Variants in SNX4 observed in about 807,000 individuals in gnomAD.
SNX4 encodes sorting nexin 4.
SNX4 carries 49 observed loss-of-function variants against 70.8 expected under a neutral mutation model. That is an observed-to-expected ratio of 0.69 (90% CI 0.55 to 0.88). The LOEUF (loss-of-function observed/expected upper bound fraction) is 0.88. SNX4 is among the 40% of genes least tolerant of loss of function. The probability of loss-of-function intolerance (pLI) is 0.00; values close to 1 mark genes in which losing one functional copy is unlikely to be tolerated. For synonymous variants in SNX4, 206 were observed against 183.8 expected, an observed-to-expected ratio of 1.12 and a Z score of -0.98; for missense variants, 528 against 544.8, an observed-to-expected ratio of 0.97 and a Z score of 0.31.
chr3:125,514,388 A>G (rs1580013329), intron 1 of SNX4, among the ~76,000 whole-genome samples: 1 of 129,342 alleles, frequency 7.7e-6, no homozygotes, highest in South Asian at 2.5e-4. Flanking sequence ...TGTGACCAAC[A>G]CTTTTTTTTT....
At chr3:125,491,195 T>C (rs1182232658) in intron 5 of SNX4, among the ~76,000 whole-genome samples, 1 of 152,172 alleles carries the variant, frequency 6.6e-6, no homozygotes. Context: ...TTCTGGATCC[T>C]TCTTACATCT....
Position 125,469,443 on chromosome 3 carries a change from G to A in SNX4, c.854+11C>T, listed in dbSNP as rs371695396. ...CACCTCAGGCTTCACAAAAGTTCTCGAGGTACTTACACATCCATATGATGA... is the reference window on the plus strand; with the variant it reads ...CACCTCAGGCTTCACAAAAGTTCTCAAGGTACTTACACATCCATATGATGA... On this transcript the variant is annotated intron_variant, in intron 9 of 13. Transcript: ENST00000251775. 4.9e-5 allele frequency: 79 copies of A among 1,603,918 alleles called. No individual in the cohort carries two copies. The Middle Eastern group carries it at 5.0e-4, about 10-fold the overall frequency.
chr3:125,495,928 A>T (rs933033026), intron 5 of SNX4, among the ~76,000 whole-genome samples: 4 of 152,208 alleles, frequency 2.6e-5, no homozygotes, highest in African/African-American at 9.6e-5. Context: ...CCCTAAACTC[A>T]AATTCTACCA....
intron 11 of SNX4, among the ~76,000 whole-genome samples, chr3:125,455,076 A>C (rs1933675865): frequency 6.6e-6 from 1 of 152,066 alleles, no homozygotes; most frequent in Admixed American, 6.6e-5. Flanking sequence ...CCACAGGTGC[A>C]TGCCACCACA....
At chr3:125,457,410 T>G in intron 10 of SNX4, 45 bp from the exon 11 acceptor site, 1 of 1,429,420 alleles carries the variant, frequency 7.0e-7, no homozygotes, top group Middle Eastern at 1.7e-4. Flanking sequence ...TCCTTTAACA[T>G]GTCAAACATT....
At chr3:125,471,173 T>C (rs1407306043) in intron 8 of SNX4, among the ~76,000 whole-genome samples, 1 of 151,686 alleles carries the variant, frequency 6.6e-6, no homozygotes, top group African/African-American at 2.4e-5. Flanking sequence ...GGAGAAACCC[T>C]GTCTCTACTA....
At chr3:125,470,468 T>A (rs754908014) in intron 8 of SNX4, among the ~76,000 whole-genome samples, 1 of 150,834 alleles carries the variant, frequency 6.6e-6, no homozygotes, top group Non-Finnish European at 1.5e-5. Context: ...ATGAAAACTA[T>A]GTATCTTTTC....
rs1935305338 is a variant in SNX4, at chr3:125,517,362, T to C, written c.141+2670A>G. The stretch of plus-strand genomic sequence containing the variant: ...AATTAAATGAAAAGTAGAGCCCCAC[T>C]GTGCACAGCACACGCAAAACTAACT... On this transcript the variant is annotated intron_variant, in intron 1 of 13. Transcript: ENST00000251775. 2.0e-5 allele frequency among the ~76,000 whole-genome samples: 3 copies of C among 152,200 alleles called. No homozygotes were observed. In the South Asian group the frequency reaches 6.2e-4, roughly 31 times the overall value.
At chr3:125,497,542 C>T (rs1413678958) in intron 4 of SNX4, among the ~76,000 whole-genome samples, 154 bp from the exon 5 acceptor site, 2 of 152,116 alleles carry the variant, frequency 1.3e-5, no homozygotes, top group South Asian at 4.1e-4. Context: ...AACATTCAAT[C>T]CAACTTCTAA....
chr3:125,458,814 C>CAAAAATAAAAAAAAAAAAAAAAAAAAAA (rs1933797517), intron 10 of SNX4, among the ~76,000 whole-genome samples: 1 of 64,496 alleles, frequency 1.6e-5, no homozygotes, highest in Non-Finnish European at 2.6e-5. Context: ...GACTCCGTCT[C>CAAAAATAAAAAAAAAAAAAAAAAAAAAA]AAAAAAAAAA....
intron 6 of SNX4, among the ~76,000 whole-genome samples, chr3:125,483,659 T>G (rs540729129): frequency 8.5e-4 from 130 of 152,116 alleles, no homozygotes; most frequent in African/African-American, 2.9e-3. Context: ...ACACAAATCA[T>G]CCCCAGGTGA....
intron 6 of SNX4, among the ~76,000 whole-genome samples, chr3:125,482,453 A>G (rs1934433883): frequency 6.6e-6 from 1 of 152,056 alleles, no homozygotes; most frequent in South Asian, 2.1e-4. Context: ...CATTGCCCCA[A>G]TCCACTCACT....
chr3:125,495,507 AATT>A (rs970781034), intron 5 of SNX4, among the ~76,000 whole-genome samples: 2 of 147,666 alleles, frequency 1.4e-5, no homozygotes, highest in Non-Finnish European at 2.9e-5. Context: ...TGATGTTTTG[AATT>A]ATTAATTCTG....
At chr3:125,453,662 T>A (rs1176458646) in intron 12 of SNX4, 148 bp downstream of exon 12, 1 of 705,576 alleles carries the variant, frequency 1.4e-6, no homozygotes, top group East Asian at 3.2e-5. Flanking sequence ...TAACTCAAAT[T>A]TCTTAGGAAT....
At chr3:125,497,809 C>T in intron 4 of SNX4, 25 bp downstream of exon 4, 1 of 1,493,122 alleles carries the variant, frequency 6.7e-7, no homozygotes, top group Non-Finnish European at 9.0e-7. Context: ...GAATATTTTA[C>T]TAAGACTAAA....
chr3:125,506,045 G>C (rs574235739), intron 1 of SNX4, among the ~76,000 whole-genome samples: 9 of 152,134 alleles, frequency 5.9e-5, no homozygotes, highest in Non-Finnish European at 1.3e-4. Context: ...AAGACTTTAA[G>C]TTTACACCTC....
At chr3:125,463,040 T>A (rs902335063) in intron 9 of SNX4, among the ~76,000 whole-genome samples, 13 of 152,250 alleles carry the variant, frequency 8.5e-5, no homozygotes, top group Non-Finnish European at 1.9e-4. Flanking sequence ...ATACAACAGG[T>A]ATCCTTCTTT....
At chr3:125,504,561 C>A in intron 2 of SNX4, 62 bp downstream of exon 2, 2 of 1,486,290 alleles carry the variant, frequency 1.3e-6, no homozygotes, top group Admixed American at 1.9e-5. Flanking sequence ...GCAGAGTCTG[C>A]ATCAATAGCT....
intron 8 of SNX4, 42 bp from the exon 9 acceptor site, chr3:125,469,561 G>A (rs1438049197): frequency 2.3e-6 from 3 of 1,309,078 alleles, no homozygotes; most frequent in Non-Finnish European, 3.3e-6. Flanking sequence ...ATGCATTAGA[G>A]ATATGGAATA....
Sources: gnomAD v4.1 joint callset for allele counts (sites outside exome capture counted in the v4.1 genomes callset) on GRCh38, gnomAD v4.1.1 for gene constraint, MANE v1.5 for transcripts, NCBI Gene and HGNC (gene_info 2026-07-23, HGNC 2026-07-21) for gene names.